The following BEND2 variants were observed in gnomAD, a reference collection of about 807,000 sequenced individuals.
BEND2 encodes the protein BEN domain containing 2.
BEND2 carries 19 observed loss-of-function variants against 43.8 expected under a neutral mutation model. That is an observed-to-expected ratio of 0.43 (90% CI 0.30 to 0.64). The LOEUF (loss-of-function observed/expected upper bound fraction) is 0.64. Ranked by LOEUF, BEND2 falls within the 30% of genes least tolerant of loss-of-function variation. The pLI is 0.11. For missense variants in BEND2, 544 were observed against 574.0 expected (o/e 0.95, Z 0.53); for synonymous variants, 226 against 210.1 (o/e 1.08, Z -0.66).
intron 4 of BEND2, among the ~76,000 whole-genome samples, chrX:18,205,044 A>G (rs371704747): frequency 1.3e-4 from 14 of 111,306 alleles, no homozygotes; most frequent in African/African-American, 4.6e-4. Flanking sequence ...TCAACAACTA[A>G]TCTTACAAAA....
chrX:18,192,865 C>A (rs1201465571), intron 7 of BEND2, among the ~76,000 whole-genome samples: 1 of 112,010 alleles, frequency 8.9e-6, no homozygotes, highest in Non-Finnish European at 1.9e-5. Flanking sequence ...ATGGGCCGGG[C>A]GTGGTGGCTC....
chrX:18,205,065 C>T (rs1378419125), intron 4 of BEND2, among the ~76,000 whole-genome samples: 1 of 110,915 alleles, frequency 9.0e-6, no homozygotes, highest in East Asian at 2.8e-4. Flanking sequence ...CCATTGAGTA[C>T]ACATCCCCTA....
In BEND2 at chrX:18,220,762, G is replaced by A. The variant is rs771084192; in HGVS notation, c.-12C>T. On this transcript the variant is annotated 5_prime_UTR_variant, in exon 1 of 14. Transcript: ENST00000380033. ...GTCCTCTCTGACATCGTGAGATGGC[G>A]GGGTCTGGCTCTGAGGCCCGAGACC... 9.9e-6 allele frequency: 12 copies of A among 1,207,778 alleles called. No individual in the cohort carries two copies. The highest frequency in any genetic ancestry group is 3.5e-5 in the South Asian group (2 of 56,501).
chrX:18,200,733 A>G (rs1283624337), intron 6 of BEND2, among the ~76,000 whole-genome samples: 6 of 111,577 alleles, frequency 5.4e-5, no homozygotes, highest in African/African-American at 2.0e-4. Flanking sequence ...AAAGGATGAC[A>G]TGAGGAAAGT....
chrX:18,198,795 A>T (rs1228950588), intron 6 of BEND2, among the ~76,000 whole-genome samples: 4 of 109,165 alleles, frequency 3.7e-5, no homozygotes, highest in Non-Finnish European at 7.6e-5. Context: ...AAGACTTGGA[A>T]CCAACCCAAA....
intron 4 of BEND2, among the ~76,000 whole-genome samples, chrX:18,208,887 G>C (rs1229891006): frequency 9.0e-6 from 1 of 111,514 alleles, no homozygotes; most frequent in East Asian, 2.8e-4. Context: ...AACACACCTA[G>C]TGTCCAGATC....
In BEND2 at chrX:18,220,858, C is replaced by T. The variant is rs902722482; in HGVS notation, c.-108G>A. On this transcript the variant is annotated 5_prime_UTR_variant, in exon 1 of 14. Coordinates refer to ENST00000380033, the MANE Select transcript of BEND2 (RefSeq NM_153346.5). The stretch of plus-strand genomic sequence containing the variant: ...TAACTGCTTGGTAACTGTGTGGTAA[C>T]TGCGTACACTCGTTGTCCGAGGCAC... The T allele has an allele frequency of 1.1e-6, 1 of 889,124 alleles. No individual in the cohort carries two copies. 73.3% of individuals were successfully genotyped at this position (889,124 alleles called of 1,213,427 possible).
At position 18,171,085 on chromosome X, in the gene BEND2, C is replaced by A. The variant is rs867284454; in HGVS notation, c.2101G>T (p.Asp701Tyr). The A allele has an allele frequency of 8.3e-7, 1 of 1,212,053 alleles. No homozygotes were observed. ...RYLIQKLFTK[D>Y]VLVQSNVYGN... Reference sequence around the variant, plus strand: ...TAGACGTTACTTTGGACCAGGACATCTTTTGTGAAGAGTTTCTGAATAAGG... The same window carrying A: ...TAGACGTTACTTTGGACCAGGACATATTTTGTGAAGAGTTTCTGAATAAGG... Residue 701 changes from aspartate to tyrosine, a missense_variant, in exon 13 of 14, where the codon GAT becomes TAT. Asp to Tyr is a radical substitution (Grantham distance 160, BLOSUM62 -3). Coordinates refer to ENST00000380033, the MANE Select transcript of BEND2 (RefSeq NM_153346.5).
chrX:18,193,631 C>G (rs1465113593), intron 7 of BEND2, among the ~76,000 whole-genome samples: 1 of 111,050 alleles, frequency 9.0e-6, no homozygotes. Context: ...CTTACAACTA[C>G]CTATATATCT....
intron 11 of BEND2, 123 bp downstream of exon 11, chrX:18,175,849 C>A (rs1924129028): frequency 4.8e-6 from 3 of 626,644 alleles, no homozygotes; most frequent in South Asian, 7.1e-5. Flanking sequence ...TCCCATGCCC[C>A]CTAAGTTAAT....
At chrX:18,202,918 A>C (rs1014246532) in intron 5 of BEND2, among the ~76,000 whole-genome samples, 8 of 111,779 alleles carry the variant, frequency 7.2e-5, no homozygotes, top group African/African-American at 2.6e-4. Context: ...AAACCATGGC[A>C]CACCTATACC....
intron 11 of BEND2, among the ~76,000 whole-genome samples, chrX:18,175,216 C>T (rs1018619637): frequency 8.9e-6 from 1 of 111,817 alleles, no homozygotes; most frequent in Non-Finnish European, 1.9e-5. Context: ...AACCCGTTCA[C>T]CAGGGAAACA....
At chrX:18,201,401 AAAAAAAAAAAAAAAAAC>A (rs1298391134) in intron 6 of BEND2, among the ~76,000 whole-genome samples, 1 of 98,430 alleles carries the variant, frequency 1.0e-5, no homozygotes, top group East Asian at 3.2e-4. Flanking sequence ...CATCTCAAAA[AAAAAAAAAAAAAAAAAC>A]AAAAAAAAAA....
chrX:18,191,241 G>A, intron 7 of BEND2, 133 bp from the exon 8 acceptor site: 4 of 484,524 alleles, frequency 8.3e-6, no homozygotes, highest in South Asian at 4.7e-5. Flanking sequence ...CTCAGACAAA[G>A]AAAAACTTTA....
At chrX:18,214,511 T>G (rs901033300) in intron 2 of BEND2, among the ~76,000 whole-genome samples, 4 of 110,865 alleles carry the variant, frequency 3.6e-5, no homozygotes, top group African/African-American at 1.3e-4. Context: ...ATATTTTGTA[T>G]GTCATAGACT....
In BEND2 at chrX:18,214,760, G is replaced by T. The variant is rs183861157; in HGVS notation, c.239-849C>A. ...CGGGAGGCAGAGATTGCAGTGAGCC[G>T]AGATCACACCACTGCACTCCAACCT... On this transcript the variant is annotated intron_variant, in intron 2 of 13. Transcript: ENST00000380033. Among the ~76,000 whole-genome samples, 4 of 85,153 alleles carry T rather than the reference G, an allele frequency of 4.7e-5. No homozygotes were observed. The East Asian group carries it at 1.2e-3, about 25-fold the overall frequency. The allele number at this position is 85,153 out of a possible 115,157, so 73.9% of individuals were successfully genotyped here.
chrX:18,220,555 T>C (rs754805441), intron 1 of BEND2, among the ~76,000 whole-genome samples, 171 bp downstream of exon 1: 1 of 111,991 alleles, frequency 8.9e-6, no homozygotes, highest in East Asian at 2.8e-4. Flanking sequence ...ACCGGCGCGC[T>C]GAGCAATCGG....
At chrX:18,178,027 G>A (rs1398232366) in intron 9 of BEND2, among the ~76,000 whole-genome samples, 7 of 111,113 alleles carry the variant, frequency 6.3e-5, no homozygotes, top group Non-Finnish European at 1.3e-4. Flanking sequence ...TCTTGAGCTT[G>A]CTGTATTGAA....
intron 9 of BEND2, among the ~76,000 whole-genome samples, chrX:18,178,572 G>T: frequency 9.1e-6 from 1 of 109,686 alleles, no homozygotes. Context: ...TGCTTTTTCA[G>T]TTAACATTAT....
Sources: gnomAD v4.1 joint callset for allele counts (sites outside exome capture counted in the v4.1 genomes callset) on GRCh38, gnomAD v4.1.1 for gene constraint, MANE v1.5 for transcripts, NCBI Gene and HGNC (gene_info 2026-07-23, HGNC 2026-07-21) for gene names.